The following NRXN3 variants were observed in gnomAD, a reference collection of about 807,000 sequenced individuals.
The protein encoded by NRXN3 is neurexin III.
In NRXN3, 32 loss-of-function variants were observed where a neutral mutation model predicts 137.6. The observed-to-expected ratio is 0.23, with a 90% CI of 0.18 to 0.31. NRXN3 has a LOEUF of 0.31. Ranked by LOEUF, NRXN3 falls within the 10% of genes least tolerant of loss-of-function variation. The probability of loss-of-function intolerance (pLI) is 1.00; values close to 1 mark genes in which losing one functional copy is unlikely to be tolerated. For synonymous variants in NRXN3, 798 were observed against 784.5 expected, an observed-to-expected ratio of 1.02 and a Z score of -0.29; for missense variants, 1,574 against 2,062.5, an observed-to-expected ratio of 0.76 and a Z score of 4.59.
intron 4 of NRXN3, among the ~76,000 whole-genome samples, chr14:78,595,292 A>C (rs1301101186): frequency 6.6e-6 from 1 of 152,222 alleles, no homozygotes; most frequent in East Asian, 1.9e-4. Context: ...GGAAGGCCAC[A>C]GGGTTGAATA....
rs147037857 is a variant in NRXN3 at position 79,512,386 on chromosome 14, CTA to C, written c.3444+44986_3444+44987del. Reference sequence around the variant, plus strand: ...TAATTGTAGGACCTCCTCCAGATGACTATTAGGAAGAGATGATACATATAAAA... The same window carrying C: ...TAATTGTAGGACCTCCTCCAGATGACTTAGGAAGAGATGATACATATAAAA... On this transcript the variant is annotated intron_variant, in intron 16 of 20. Transcript: ENST00000335750. 1.4e-4 allele frequency among the ~76,000 whole-genome samples: 22 copies of C among 152,178 alleles called. No homozygotes were observed. In the East Asian group the frequency reaches 4.2e-3, roughly 29 times the overall value.
chr14:78,199,861 G>A lies in NRXN3; in HGVS notation c.-704+29187G>A, dbSNP rs186066905. Among the ~76,000 whole-genome samples, 402 of 152,318 alleles carry A rather than the reference G, an allele frequency of 2.6e-3. 5 individuals carry two copies. The highest frequency in any genetic ancestry group is 3.3e-3 in the Non-Finnish European group (226 of 68,038). On this transcript the variant is annotated intron_variant, in intron 1 of 20. Transcript: ENST00000335750. ...AGCATTCCAACCTGCCGTGAGCCAG[G>A]GAGGAACTCCATACATTATGTAGGA...
chr14:79,862,759 T>C lies in NRXN3; in HGVS notation c.*795T>C, dbSNP rs2141976361. On this transcript the variant is annotated 3_prime_UTR_variant, in exon 21 of 21. Coordinates refer to ENST00000335750, the MANE Select transcript of NRXN3 (RefSeq NM_001330195.2). ...ATGCTTTGCTGAACACATAGCAAAA[T>C]TCATGTGACGGATGATAAATTGATT... 6.5e-6 allele frequency: 1 copy of C among 152,756 alleles called. No individual in the cohort carries two copies. The highest frequency in any genetic ancestry group is 2.4e-5 in the African/African-American group (1 of 41,566). 9.5% of individuals were successfully genotyped at this position (152,756 alleles called of 1,614,324 possible).
intron 19 of NRXN3, among the ~76,000 whole-genome samples, chr14:79,773,159 A>G (rs929884656): frequency 6.6e-6 from 1 of 152,194 alleles, no homozygotes; most frequent in African/African-American, 2.4e-5. Flanking sequence ...GAGAAATAGG[A>G]ACACTTTTAC....
In NRXN3 at chr14:78,826,042, C is replaced by T. The variant is rs74065227; in HGVS notation, c.2275+15698C>T. On this transcript the variant is annotated intron_variant, in intron 10 of 20. Transcript: ENST00000335750. ...AAGAAACAAGAACAATAATATAGGC[C>T]AATATTTAATGAGGACTTACCTTGT... Among the ~76,000 whole-genome samples the T allele has an allele frequency of 4.3e-3, 647 of 152,144 alleles. 4 individuals are homozygous for T. The highest frequency in any genetic ancestry group is 0.014 in the African/African-American group (570 of 41,500).
At chr14:79,336,288 C>T (rs529033815) in intron 15 of NRXN3, among the ~76,000 whole-genome samples, 1 of 152,168 alleles carries the variant, frequency 6.6e-6, no homozygotes, top group Non-Finnish European at 1.5e-5. Flanking sequence ...ATGTGCTTAC[C>T]CCTAAGAGAA....
At chr14:79,659,651 C>T (rs954396745) in intron 16 of NRXN3, among the ~76,000 whole-genome samples, 4 of 152,088 alleles carry the variant, frequency 2.6e-5, no homozygotes, top group Non-Finnish European at 5.9e-5. Context: ...ACAGTGAATG[C>T]CAGGTGCTTC....
intron 15 of NRXN3, among the ~76,000 whole-genome samples, chr14:79,405,920 A>G (rs1292378656): frequency 8.5e-5 from 13 of 152,188 alleles, no homozygotes; most frequent in African/African-American, 4.8e-5. Flanking sequence ...ACAAGGGTTC[A>G]TTGTTCATCC....
intron 16 of NRXN3, among the ~76,000 whole-genome samples, chr14:79,522,155 G>C (rs1357567851): frequency 6.6e-6 from 1 of 152,174 alleles, no homozygotes; most frequent in Non-Finnish European, 1.5e-5. Flanking sequence ...CTGTGGAACA[G>C]GTAGTTGGAT....
At chr14:79,112,040 A>C (rs1368238883) in intron 15 of NRXN3, among the ~76,000 whole-genome samples, 1 of 152,238 alleles carries the variant, frequency 6.6e-6, no homozygotes, top group Non-Finnish European at 1.5e-5. Flanking sequence ...AATATCCACA[A>C]AACCTAATAT....
chr14:79,471,508 G>A (rs1046167675), intron 16 of NRXN3, among the ~76,000 whole-genome samples: 3 of 152,094 alleles, frequency 2.0e-5, no homozygotes, highest in Non-Finnish European at 4.4e-5. Flanking sequence ...AAATTTCTTT[G>A]GAAAAGCAGT....
chr14:78,415,398 A>G (rs1021730983), intron 4 of NRXN3, among the ~76,000 whole-genome samples: 1 of 152,214 alleles, frequency 6.6e-6, no homozygotes, highest in Non-Finnish European at 1.5e-5. Context: ...TTAAACAATA[A>G]CAATTTGTTA....
At chr14:78,798,929 G>A (rs370556782) in intron 8 of NRXN3, among the ~76,000 whole-genome samples, 51 of 152,312 alleles carry the variant, frequency 3.3e-4, no homozygotes, top group African/African-American at 1.2e-3. Context: ...TGCACACAGC[G>A]AGGGGTTTGG....
intron 10 of NRXN3, among the ~76,000 whole-genome samples, chr14:78,872,864 A>C (rs1446453016): frequency 2.0e-5 from 3 of 152,162 alleles, no homozygotes; most frequent in Non-Finnish European, 4.4e-5. Context: ...TCAGTATATA[A>C]ATTTACACAT....
intron 4 of NRXN3, among the ~76,000 whole-genome samples, chr14:78,304,861 C>T (rs150194171): frequency 1.3e-5 from 2 of 152,140 alleles, no homozygotes; most frequent in African/African-American, 4.8e-5. Flanking sequence ...TGCAAGGATG[C>T]AGGCACAGTC....
intron 16 of NRXN3, among the ~76,000 whole-genome samples, chr14:79,598,633 C>T (rs2097888202): frequency 6.6e-6 from 1 of 152,206 alleles, no homozygotes; most frequent in Admixed American, 6.5e-5. Context: ...GGCTAGAAGC[C>T]TAAGCAGAAT....
At chr14:78,862,293 G>T (rs995236001) in intron 10 of NRXN3, among the ~76,000 whole-genome samples, 3 of 145,596 alleles carry the variant, frequency 2.1e-5, no homozygotes, top group Admixed American at 6.7e-5. Flanking sequence ...GATGGAAAAA[G>T]CCCTAAAGTA....
intron 15 of NRXN3, among the ~76,000 whole-genome samples, chr14:79,027,080 A>G (rs1177443690): frequency 2.0e-5 from 3 of 147,816 alleles, no homozygotes; most frequent in Non-Finnish European, 4.5e-5. Context: ...ATTCTATTGA[A>G]GTTTTTTTTT....
At chr14:79,291,083 A>T (rs1695205082) in intron 15 of NRXN3, among the ~76,000 whole-genome samples, 2 of 152,172 alleles carry the variant, frequency 1.3e-5, no homozygotes, top group Admixed American at 1.3e-4. Flanking sequence ...TATTTTTTCC[A>T]GGAGCCAATT....
Sources: gnomAD v4.1 joint callset for allele counts (sites outside exome capture counted in the v4.1 genomes callset) on GRCh38, gnomAD v4.1.1 for gene constraint, MANE v1.5 for transcripts, NCBI Gene and HGNC (gene_info 2026-07-23, HGNC 2026-07-21) for gene names.